The following SETX variants were observed in gnomAD, a reference collection of about 807,000 sequenced individuals.
SETX encodes helicase senataxin.
In SETX, 90 loss-of-function variants were observed where a neutral mutation model predicts 227.2. The ratio of observed to expected loss-of-function variants is 0.40; its 90% confidence interval spans 0.33 to 0.47. The LOEUF (loss-of-function observed/expected upper bound fraction) is 0.47, where lower values mean the gene tolerates loss of function less well. Among genes scored for constraint, SETX ranks in the 20% least tolerant of loss-of-function variants. The pLI is 0.91. For missense variants in SETX, 3,052 were observed against 3,181.5 expected (o/e 0.96, Z 0.98); for synonymous variants, 1,210 against 1,113.2 (o/e 1.09, Z -1.73).
intron 8 of SETX, 53 bp from the exon 9 acceptor site, chr9:132,331,192 A>G (rs907429901): frequency 1.0e-5 from 16 of 1,606,606 alleles, no homozygotes; most frequent in Non-Finnish European, 1.3e-5. Context: ...GAAAAAAAGG[A>G]AGAAACACCT....
intron 15 of SETX, among the ~76,000 whole-genome samples, chr9:132,294,881 G>C (rs1001754941): frequency 2.0e-5 from 3 of 152,134 alleles, no homozygotes; most frequent in African/African-American, 7.2e-5. Flanking sequence ...GTTCTGAACT[G>C]CCCACCTCTG....
chr9:132,315,779 C>T (rs1845929613), intron 10 of SETX, among the ~76,000 whole-genome samples: 1 of 152,270 alleles, frequency 6.6e-6, no homozygotes, highest in African/African-American at 2.4e-5. Context: ...TCCAAATCTC[C>T]GGTTCGTGAT....
In SETX at chr9:132,328,541, A is replaced by C. The variant is rs775387661; in HGVS notation, c.3057T>G (p.Ser1019=). ...SRGQVIIISD[S]DDDDDERILS... is the part of the protein sequence containing the mutation. ...GGATTCTTTCATCATCATCATCATCAGAATCTGAAATAATAATAACCTGTC... is the reference window on the plus strand; with the variant it reads ...GGATTCTTTCATCATCATCATCATCCGAATCTGAAATAATAATAACCTGTC... Residue 1019 remains serine (S), a synonymous_variant, in exon 10 of 26, where the codon TCT becomes TCG. Transcript: ENST00000224140. The C allele has an allele frequency of 1.2e-6, 2 of 1,614,048 alleles. No individual in the cohort carries two copies. The highest frequency in any genetic ancestry group is 2.2e-5 in the South Asian group (2 of 91,074).
chr9:132,277,591 C>A (rs1843231443), intron 21 of SETX, among the ~76,000 whole-genome samples: 1 of 152,018 alleles, frequency 6.6e-6, no homozygotes, highest in African/African-American at 2.4e-5. Flanking sequence ...GCAGCCTGGG[C>A]AACATAGCGA....
chr9:132,281,665 A>G, intron 19 of SETX, 91 bp from the exon 20 acceptor site: 2 of 908,042 alleles, frequency 2.2e-6, no homozygotes, highest in Non-Finnish European at 1.8e-6. Flanking sequence ...CCATTCAGAA[A>G]AGTATCACAC....
chr9:132,334,505 T>C (rs768750300), intron 7 of SETX, 103 bp downstream of exon 7: 32 of 1,338,440 alleles, frequency 2.4e-5, no homozygotes, highest in Non-Finnish European at 3.0e-5. Context: ...CCAGAAAAAT[T>C]CTTTTCTCCA....
In SETX at chr9:132,288,531, T is replaced by C; in HGVS notation, c.6208+19A>G. 1 of 1,569,566 alleles carries C rather than the reference T, an allele frequency of 6.4e-7. No homozygotes were observed. Among genetic ancestry groups the C allele is most frequent in the Non-Finnish European group, 8.8e-7 (1 of 1,139,604 alleles). On this transcript the variant is annotated intron_variant, in intron 16 of 25. Coordinates refer to ENST00000224140, the MANE Select transcript of SETX (RefSeq NM_015046.7). ...ACAAAACAGAGAAAACACTAGTATA[T>C]ACCACATTCAGTACTTACTCATTCT...
chr9:132,341,946 C>T (rs1848000169), intron 5 of SETX, among the ~76,000 whole-genome samples: 1 of 152,106 alleles, frequency 6.6e-6, no homozygotes, highest in Non-Finnish European at 1.5e-5. Flanking sequence ...TTAATTTCCT[C>T]CTTTTGCTTT....
rs1461021497 is a variant in SETX at position 132,333,408 on chromosome 9, A to AT, written c.838+1199_838+1200insA. On this transcript the variant is annotated intron_variant, in intron 7 of 25. Transcript: ENST00000224140. Reference sequence around the variant, plus strand: ...GAAAAAAAAAAAAAAGAAAAAAAAAAATATATATACACACACACACACACA... The same window carrying AT: ...GAAAAAAAAAAAAAAGAAAAAAAAAATATATATATACACACACACACACACA... Among the ~76,000 whole-genome samples, 131 of 72,200 alleles carry AT rather than the reference A, an allele frequency of 1.8e-3. 9 individuals are homozygous for AT. The highest frequency in any genetic ancestry group is 4.7e-3 in the African/African-American group (78 of 16,770). The allele number at this position is 72,200 out of a possible 152,430, so 47.4% of individuals were successfully genotyped here. A position where few individuals can be genotyped will look rare whatever the true frequency, so the allele number is the denominator to read the frequency against.
rs765130089 is a variant in SETX at position 132,349,387 on chromosome 9, G to A, written c.42C>T (p.Thr14=). The change falls in exon 3 of 26, where the codon ACC becomes ACT. Residue 14 remains threonine (T), a synonymous_variant. Coordinates refer to ENST00000224140, the MANE Select transcript of SETX (RefSeq NM_015046.7). The part of the protein sequence containing the change: ...CCWCTPGGAS[T]IDFLKRYASN... ...AAGCATAGCGCTTTAGGAAGTCAATGGTGGAAGCACCACCTGGCGTACACC... is the reference window on the plus strand; with the variant it reads ...AAGCATAGCGCTTTAGGAAGTCAATAGTGGAAGCACCACCTGGCGTACACC... 3 of 1,613,980 alleles carry A rather than the reference G, an allele frequency of 1.9e-6. No individual in the cohort carries two copies. The highest frequency in any genetic ancestry group is 3.3e-5 in the Admixed American group (2 of 59,972).
At chr9:132,296,457 G>A (rs1383659812) in intron 14 of SETX, among the ~76,000 whole-genome samples, 1 of 152,060 alleles carries the variant, frequency 6.6e-6, no homozygotes, top group Non-Finnish European at 1.5e-5. Context: ...GGAGGTACTC[G>A]GGAGGCTGAG....
At chr9:132,313,218 G>A (rs1027873301) in intron 10 of SETX, among the ~76,000 whole-genome samples, 6 of 151,982 alleles carry the variant, frequency 3.9e-5, no homozygotes, top group African/African-American at 1.5e-4. Flanking sequence ...CCTTAAAAGG[G>A]TATATTTTAT....
chr9:132,333,670 G>C (rs1424881728), intron 7 of SETX, among the ~76,000 whole-genome samples: 1 of 151,898 alleles, frequency 6.6e-6, no homozygotes, highest in African/African-American at 2.4e-5. Flanking sequence ...TTCATGATTA[G>C]CATGATACAA....
Position 132,329,066 on chromosome 9 carries a change from G to T in SETX, c.2532C>A (p.Asp844Glu), listed in dbSNP as rs772635145. ...GDGFIHNLSL[D>E]PSGVLDDKNG... ...TCTTATCATCCAGAACACCACTAGG[G>T]TCTAAAGAAAGATTGTGTATGAAAC... The change falls in exon 10 of 26, where the codon GAC (aspartate) becomes GAA (glutamate). Residue 844 changes from aspartate (D) to glutamate (E), a missense_variant. Physicochemically the swap from Asp to Glu is conservative, Grantham distance 45. Transcript: ENST00000224140. 2 of 1,609,624 alleles carry T rather than the reference G, an allele frequency of 1.2e-6. No individual in the cohort carries two copies. The highest frequency in any genetic ancestry group is 1.7e-6 in the Non-Finnish European group (2 of 1,179,110).
At chr9:132,344,114 C>A (rs1250757825) in intron 4 of SETX, among the ~76,000 whole-genome samples, 2 of 152,132 alleles carry the variant, frequency 1.3e-5, no homozygotes, top group Admixed American at 6.5e-5. Flanking sequence ...TCCAGAGAAG[C>A]GGGTTTTGCA....
intron 25 of SETX, among the ~76,000 whole-genome samples, chr9:132,265,392 A>G (rs1242950538): frequency 6.6e-6 from 1 of 151,698 alleles, no homozygotes; most frequent in Non-Finnish European, 1.5e-5. Context: ...CGCCCGGCTA[A>G]TTTTTTGTAT....
At chr9:132,300,374 G>A (rs901309577) in intron 12 of SETX, among the ~76,000 whole-genome samples, 1 of 152,026 alleles carries the variant, frequency 6.6e-6, no homozygotes, top group African/African-American at 2.4e-5. Flanking sequence ...TCTGCAAATG[G>A]TCCATTTTAT....
At chr9:132,346,166 T>A in intron 4 of SETX, 95 bp downstream of exon 4, 1 of 1,011,270 alleles carries the variant, frequency 9.9e-7, no homozygotes, top group Non-Finnish European at 1.5e-6. Flanking sequence ...TAATTATATG[T>A]TTAGCAAACA....
chr9:132,275,472 T>C (rs775484470), intron 22 of SETX, 52 bp from the exon 23 acceptor site: 3 of 1,475,924 alleles, frequency 2.0e-6, no homozygotes, highest in Non-Finnish European at 1.9e-6. Flanking sequence ...AATAGCAGGC[T>C]AATTGCTAAC....
Sources: allele counts gnomAD v4.1 joint callset (sites outside exome capture counted in the v4.1 genomes callset), GRCh38; gene constraint gnomAD v4.1.1; transcripts MANE v1.5; gene names NCBI Gene and HGNC (gene_info 2026-07-23, HGNC 2026-07-21).